The following LCOR variants were observed in gnomAD, a reference collection of about 807,000 sequenced individuals.
LCOR encodes the protein ligand-dependent corepressor.
Under a neutral mutation model 64.4 loss-of-function variants are expected in LCOR, and 14 were observed. That is an observed-to-expected ratio of 0.22 (90% confidence interval 0.14 to 0.34). The LOEUF is 0.34. LCOR is among the 10% of genes least tolerant of loss of function. The pLI, the probability that LCOR is intolerant of heterozygous loss-of-function variation, is 1.00. For missense variants in LCOR, 1,686 were observed against 1,765.3 expected, an observed-to-expected ratio of 0.96 and a Z score of 0.80; for synonymous variants, 643 against 642.5, an observed-to-expected ratio of 1.00 and a Z score of -0.01.
chr10:96,935,433 G>C (rs1019646266), intron 4 of LCOR, among the ~76,000 whole-genome samples: 15 of 151,768 alleles, frequency 9.9e-5, no homozygotes, highest in African/African-American at 3.6e-4. Context: ...ATAGGCTTAA[G>C]CCACTGCGCC....
At chr10:96,970,648 A>AT (rs1421366965) in intron 7 of LCOR, among the ~76,000 whole-genome samples, 1 of 147,814 alleles carries the variant, frequency 6.8e-6, no homozygotes, top group East Asian at 2.0e-4. Flanking sequence ...ATTTTATTTT[A>AT]TTTTATTTAT....
chr10:96,992,995 G>C lies in LCOR; in HGVS notation c.*7861G>C, dbSNP rs557884509. ...GTGGGCCAGTCCCCCTGTAACCAGT[G>C]GTTACAGAATGATACCATCTGTTCT... On this transcript the variant is annotated 3_prime_UTR_variant, in exon 8 of 8. Transcript: ENST00000421806. 6.6e-6 allele frequency: 1 copy of C among 152,332 alleles called. No homozygotes were observed. The highest frequency in any genetic ancestry group is 2.4e-5 in the African/African-American group (1 of 41,550). The allele number at this position is 152,332 out of a possible 1,614,324, so 9.4% of individuals were successfully genotyped here.
At position 96,886,665 on chromosome 10, in the gene LCOR, T is replaced by C. The variant is rs562320533; in HGVS notation, c.-329-20600T>C. On this transcript the variant is annotated intron_variant, in intron 2 of 7. Transcript: ENST00000421806. ...TGGGTTGTTTTTTCCTTAAATGGCA[T>C]GACCTTATACTTACTCAACCTTAAG... 2.0e-5 allele frequency among the ~76,000 whole-genome samples: 3 copies of C among 147,270 alleles called. No homozygotes were observed. In the East Asian group the frequency reaches 5.8e-4, roughly 28 times the overall value.
chr10:96,970,867 C>T (rs1310424996), intron 7 of LCOR, among the ~76,000 whole-genome samples: 1 of 151,908 alleles, frequency 6.6e-6, no homozygotes, highest in East Asian at 1.9e-4. Flanking sequence ...AATCCTCCTG[C>T]CTCGGCCTCC....
intron 4 of LCOR, among the ~76,000 whole-genome samples, chr10:96,943,460 A>G (rs7080839): frequency 0.35 from 53,870 of 152,160 alleles, 13,576 homozygotes; most frequent in African/African-American, 0.7. Flanking sequence ...AGATAATGCA[A>G]TGCTTATGCT....
intron 2 of LCOR, among the ~76,000 whole-genome samples, chr10:96,878,788 C>G (rs536333865): frequency 6.6e-6 from 1 of 152,018 alleles, no homozygotes; most frequent in Non-Finnish European, 1.5e-5. Flanking sequence ...TTTTCCTTCT[C>G]TCTTCTCCCC....
At chr10:96,876,325 A>G (rs1401096133) in intron 2 of LCOR, among the ~76,000 whole-genome samples, 1 of 152,130 alleles carries the variant, frequency 6.6e-6, no homozygotes, top group Non-Finnish European at 1.5e-5. Flanking sequence ...TGATGACCTT[A>G]CTTAATCCTA....
At chr10:96,890,751 G>GA (rs1422265854) in intron 2 of LCOR, among the ~76,000 whole-genome samples, 2 of 152,132 alleles carry the variant, frequency 1.3e-5, no homozygotes, top group Non-Finnish European at 2.9e-5. Flanking sequence ...TTTTTATCAT[G>GA]AAAAGGTGTT....
At chr10:96,918,177 AAGAT>A (rs1195129997) in intron 4 of LCOR, among the ~76,000 whole-genome samples, 1 of 152,222 alleles carries the variant, frequency 6.6e-6, no homozygotes, top group East Asian at 1.9e-4. Context: ...GATTAAAAAT[AAGAT>A]AGAGTCATAA....
At chr10:96,866,385 C>T (rs1309489120) in intron 2 of LCOR, among the ~76,000 whole-genome samples, 1 of 152,140 alleles carries the variant, frequency 6.6e-6, no homozygotes. Context: ...GGCTATACCT[C>T]AGTTCGTTTA....
intron 2 of LCOR, among the ~76,000 whole-genome samples, chr10:96,860,379 G>T (rs1845868085): frequency 1.3e-5 from 2 of 152,176 alleles, no homozygotes; most frequent in African/African-American, 2.4e-5. Flanking sequence ...GAAGATGGAG[G>T]CAGGGATTAG....
At chr10:96,903,258 C>T (rs1846672712) in intron 2 of LCOR, among the ~76,000 whole-genome samples, 1 of 152,148 alleles carries the variant, frequency 6.6e-6, no homozygotes, top group Admixed American at 6.5e-5. Context: ...ACTTAGGCTA[C>T]ACTAAATTTA....
In LCOR at chr10:96,955,708, G is replaced by A. The variant is rs1231985824; in HGVS notation, c.332+3512G>A. ...GAGGAAGCAATCTCAGTGGTTATGA[G>A]TGGAAAAATGAGTGTTTCCAAAGCT... On this transcript the variant is annotated intron_variant, in intron 7 of 7. Coordinates refer to ENST00000421806, the MANE Select transcript of LCOR (RefSeq NM_001346516.2). 3.7e-6 allele frequency: 6 copies of A among 1,614,198 alleles called. No homozygotes were observed. In the South Asian group the frequency reaches 6.6e-5, roughly 18 times the overall value.
chr10:96,980,177 G>GT (rs1848072201), intron 7 of LCOR, among the ~76,000 whole-genome samples: 1 of 151,496 alleles, frequency 6.6e-6, no homozygotes, highest in African/African-American at 2.4e-5. Flanking sequence ...AAAAAAAACT[G>GT]TAAGTTCTGT....
At chr10:96,947,802 A>G (rs4582898) in intron 5 of LCOR, among the ~76,000 whole-genome samples, 1 of 152,104 alleles carries the variant, frequency 6.6e-6, no homozygotes, top group Non-Finnish European at 1.5e-5. Flanking sequence ...AATTGAATAC[A>G]CACTTTAGAC....
chr10:96,920,778 ACACACACACACACG>A lies in LCOR; in HGVS notation c.-184+13033_-184+13046del, dbSNP rs1360574052. Reference sequence around the variant, plus strand: ...CACACACACACACACACACACACACACACACACACACACGCGCGGTGGGGGGGTGGTGGGCGGGA... The same window carrying A: ...CACACACACACACACACACACACACACGCGGTGGGGGGGTGGTGGGCGGGA... On this transcript the variant is annotated intron_variant, in intron 4 of 7. Transcript: ENST00000421806. Among the ~76,000 whole-genome samples the A allele has an allele frequency of 5.2e-4, 65 of 125,430 alleles. 1 individual carries two copies. The highest frequency in any genetic ancestry group is 1.8e-3 in the East Asian group (8 of 4,472). The allele number at this position is 125,430 out of a possible 152,430, so 82.3% of individuals were successfully genotyped here.
At chr10:96,879,005 A>G (rs1425307181) in intron 2 of LCOR, among the ~76,000 whole-genome samples, 4 of 152,136 alleles carry the variant, frequency 2.6e-5, no homozygotes, top group African/African-American at 4.8e-5. Flanking sequence ...CATGTTGCCC[A>G]GGCTGGTCTC....
intron 4 of LCOR, among the ~76,000 whole-genome samples, chr10:96,939,873 G>GA (rs1383830297): frequency 2.0e-5 from 3 of 152,340 alleles, no homozygotes; most frequent in African/African-American, 7.2e-5. Flanking sequence ...TGAGGCAAGA[G>GA]AATCATTTGA....
At chr10:96,969,774 C>CTTTTTTTTTTTTTT (rs58881683) in intron 7 of LCOR, among the ~76,000 whole-genome samples, 29 of 124,100 alleles carry the variant, frequency 2.3e-4, no homozygotes, top group East Asian at 4.6e-4. Flanking sequence ...TTTTTTTTTT[C>CTTTTTTTTTTTTTT]TTTTTTTTTT....
Sources: allele counts gnomAD v4.1 joint callset (sites outside exome capture counted in the v4.1 genomes callset), GRCh38; gene constraint gnomAD v4.1.1; transcripts MANE v1.5; gene names NCBI Gene and HGNC (gene_info 2026-07-23, HGNC 2026-07-21).